The following TRABD2B variants were observed in gnomAD, a reference collection of about 807,000 sequenced individuals.
The protein encoded by TRABD2B is metalloprotease TIKI2.
A neutral mutation model predicts 40.1 loss-of-function variants in TRABD2B; 14 were observed. The observed-to-expected ratio is 0.35, with a 90% CI of 0.23 to 0.55. TRABD2B has a LOEUF of 0.55. Among genes scored for constraint, TRABD2B ranks in the 20% least tolerant of loss-of-function variants. The pLI is 0.90. For missense variants in TRABD2B, 541 were observed against 648.6 expected (o/e 0.83, Z 1.80); for synonymous variants, 263 against 277.0 (o/e 0.95, Z 0.50).
intron 2 of TRABD2B, among the ~76,000 whole-genome samples, chr1:47,978,160 T>C (rs1645786109): frequency 1.3e-5 from 2 of 152,036 alleles, no homozygotes; most frequent in Admixed American, 1.3e-4. Flanking sequence ...ACATGAATAG[T>C]ATTAGTGCAT....
chr1:47,767,147 G>A (rs569522858), intron 6 of TRABD2B, among the ~76,000 whole-genome samples: 1 of 152,236 alleles, frequency 6.6e-6, no homozygotes, highest in African/African-American at 2.4e-5. Context: ...AGGCTGACAG[G>A]AGACCTGTGG....
At chr1:47,877,015 A>G (rs1644234756) in intron 2 of TRABD2B, among the ~76,000 whole-genome samples, 1 of 152,162 alleles carries the variant, frequency 6.6e-6, no homozygotes, top group South Asian at 2.1e-4. Context: ...TAAGGAAGAG[A>G]GACAAAGAAA....
At chr1:47,897,321 C>G (rs1397339387) in intron 2 of TRABD2B, among the ~76,000 whole-genome samples, 2 of 152,062 alleles carry the variant, frequency 1.3e-5, no homozygotes, top group Admixed American at 6.6e-5. Context: ...AGGAAGCGAG[C>G]TGGGGGCAGC....
At chr1:47,800,990 C>T (rs1237723153) in intron 3 of TRABD2B, among the ~76,000 whole-genome samples, 2 of 152,116 alleles carry the variant, frequency 1.3e-5, no homozygotes, top group Non-Finnish European at 2.9e-5. Context: ...AATGGGGAGG[C>T]ATGGTGGAGT....
chr1:47,892,876 G>A (rs1295532206), intron 2 of TRABD2B, among the ~76,000 whole-genome samples: 1 of 152,236 alleles, frequency 6.6e-6, no homozygotes, highest in Middle Eastern at 3.2e-3. Context: ...TACAAATCCA[G>A]TCTCCAGTTT....
intron 2 of TRABD2B, among the ~76,000 whole-genome samples, chr1:47,858,813 T>C (rs1185678503): frequency 2.6e-5 from 4 of 152,150 alleles, no homozygotes; most frequent in African/African-American, 9.7e-5. Flanking sequence ...CCTGCTAGAG[T>C]GGCTAAGCCT....
intron 2 of TRABD2B, among the ~76,000 whole-genome samples, chr1:47,830,818 A>G (rs1194434030): frequency 6.6e-6 from 1 of 152,198 alleles, no homozygotes; most frequent in Non-Finnish European, 1.5e-5. Context: ...GGGGACACTA[A>G]TATTTTTAAT....
intron 2 of TRABD2B, among the ~76,000 whole-genome samples, chr1:47,959,535 CA>C (rs1407664724): frequency 6.6e-6 from 1 of 152,102 alleles, no homozygotes; most frequent in African/African-American, 2.4e-5. Flanking sequence ...ATATCACCAC[CA>C]ATCCCACAGA....
intron 6 of TRABD2B, among the ~76,000 whole-genome samples, chr1:47,771,757 C>T (rs531848348): frequency 1.1e-4 from 16 of 152,348 alleles, no homozygotes; most frequent in South Asian, 8.3e-4. Context: ...TGTGGACACA[C>T]GCTTCGTCTG....
rs529507218 is a variant in TRABD2B, at chr1:47,830,784, G to A, written c.667-29165C>T. Among the ~76,000 whole-genome samples the A allele has an allele frequency of 5.1e-4, 77 of 152,252 alleles. 2 individuals carry two copies. The East Asian group carries it at 0.015, about 29-fold the overall frequency. The stretch of plus-strand genomic sequence containing the variant: ...GAAAGACGGAGGCAAAGAGGGAGAA[G>A]GAATCTTTAAGAGAGACTCTCTGGG... On this transcript the variant is annotated intron_variant, in intron 2 of 6. Transcript: ENST00000606738.
chr1:47,983,752 A>AAAAG (rs1252322292), intron 2 of TRABD2B, among the ~76,000 whole-genome samples: 9 of 37,742 alleles, frequency 2.4e-4, no homozygotes, highest in South Asian at 3.0e-3. Context: ...CACTGGCAAA[A>AAAAG]AAAGAAAAAA....
chr1:47,804,405 C>T (rs942002383), intron 2 of TRABD2B, among the ~76,000 whole-genome samples: 7 of 152,194 alleles, frequency 4.6e-5, no homozygotes, highest in African/African-American at 9.6e-5. Flanking sequence ...CGAGTTGATC[C>T]GCTCTCCTTC....
Position 47,763,005 on chromosome 1 carries a change from C to CT in TRABD2B, c.*2896dup, listed in dbSNP as rs1644260678. 1 of 152,260 alleles carries CT rather than the reference C, an allele frequency of 6.6e-6. No individual in the cohort carries two copies. Among genetic ancestry groups the CT allele is most frequent in the African/African-American group, 2.4e-5 (1 of 41,468 alleles). The allele number at this position is 152,260 out of a possible 1,614,324, so 9.4% of individuals were successfully genotyped here. A position where few individuals can be genotyped will look rare whatever the true frequency, so the allele number is the denominator to read the frequency against. Reference sequence around the variant, plus strand: ...CTGCCTCACAGTCAAACAGAAAAGTCTAAGAAGTGCACACAAATTTCTCAG... The same window carrying CT: ...CTGCCTCACAGTCAAACAGAAAAGTCTTAAGAAGTGCACACAAATTTCTCAG... On this transcript the variant is annotated 3_prime_UTR_variant, in exon 7 of 7. Coordinates refer to ENST00000606738, the MANE Select transcript of TRABD2B (RefSeq NM_001194986.2).
intron 2 of TRABD2B, among the ~76,000 whole-genome samples, chr1:47,825,193 T>G (rs1645159251): frequency 6.6e-6 from 1 of 152,184 alleles, no homozygotes; most frequent in African/African-American, 2.4e-5. Flanking sequence ...TCTCAATAAT[T>G]CTCACAATAG....
intron 2 of TRABD2B, among the ~76,000 whole-genome samples, chr1:47,967,797 CTG>C (rs1352720631): frequency 6.6e-6 from 1 of 152,244 alleles, no homozygotes; most frequent in Non-Finnish European, 1.5e-5. Context: ...TCCAAGAAAA[CTG>C]TGAACCAGTT....
rs573980754 is a variant in TRABD2B at position 47,940,086 on chromosome 1, C to T, written c.666+53948G>A. On this transcript the variant is annotated intron_variant, in intron 2 of 6. Transcript: ENST00000606738. The stretch of plus-strand genomic sequence containing the variant: ...CACCCTTTATTAAGCTTCTCCCTGG[C>T]CCTGATCACCATGTGGTTTCCCACA... Among the ~76,000 whole-genome samples, 7 of 152,334 alleles carry T rather than the reference C, an allele frequency of 4.6e-5. No homozygotes were observed. The East Asian group carries it at 1.4e-3, about 29-fold the overall frequency.
chr1:47,872,204 G>A (rs1644152113), intron 2 of TRABD2B, among the ~76,000 whole-genome samples: 1 of 152,172 alleles, frequency 6.6e-6, no homozygotes, highest in Admixed American at 6.5e-5. Context: ...TGCATCTACA[G>A]TCTAATTCAC....
intron 2 of TRABD2B, among the ~76,000 whole-genome samples, chr1:47,966,280 A>G (rs942315501): frequency 4.8e-4 from 68 of 142,100 alleles, no homozygotes; most frequent in African/African-American, 1.6e-3. Context: ...TCTGGAAGGC[A>G]GCCTGGCCAC....
chr1:47,906,229 G>T (rs2124691779), intron 2 of TRABD2B, among the ~76,000 whole-genome samples: 1 of 152,238 alleles, frequency 6.6e-6, no homozygotes, highest in South Asian at 2.1e-4. Flanking sequence ...CCAGCCACAG[G>T]GCTTCGTGCT....
Sources: allele counts gnomAD v4.1 joint callset (sites outside exome capture counted in the v4.1 genomes callset), GRCh38; gene constraint gnomAD v4.1.1; transcripts MANE v1.5; gene names NCBI Gene and HGNC (gene_info 2026-07-23, HGNC 2026-07-21).